Variants in CDC14A observed in about 807,000 individuals in gnomAD.
CDC14A encodes dual specificity protein phosphatase CDC14A.
CDC14A carries 53 observed loss-of-function variants against 74.4 expected under a neutral mutation model. The ratio of observed to expected loss-of-function variants is 0.71; its 90% CI spans 0.57 to 0.89. The LOEUF (loss-of-function observed/expected upper bound fraction) is 0.89. CDC14A is among the 40% of genes least tolerant of loss of function. The pLI, the probability that CDC14A is intolerant of heterozygous loss-of-function variation, is 0.00. For synonymous variants in CDC14A, 247 were observed against 258.4 expected (o/e 0.96, Z 0.43); for missense variants, 646 against 713.7 (o/e 0.91, Z 1.08).
intron 15 of CDC14A, among the ~76,000 whole-genome samples, chr1:100,501,075 A>G (rs1648667021): frequency 6.6e-6 from 1 of 152,064 alleles, no homozygotes; most frequent in South Asian, 2.1e-4. Flanking sequence ...CAGCCCATCT[A>G]CCCCTTAATC....
chr1:100,502,988 C>G (rs1204512710), intron 15 of CDC14A, among the ~76,000 whole-genome samples: 2 of 152,158 alleles, frequency 1.3e-5, no homozygotes, highest in Non-Finnish European at 2.9e-5. Context: ...CAACATTTTC[C>G]TCCCTCTCAC....
chr1:100,349,968 T>C (rs1291843437), upstream of CDC14A, among the ~76,000 whole-genome samples: 1 of 89,486 alleles, frequency 1.1e-5, no homozygotes, highest in Non-Finnish European at 2.2e-5. Context: ...TTTTTTTTTT[T>C]TTGAAACATA....
chr1:100,480,356 G>A (rs1323020421), intron 10 of CDC14A, among the ~76,000 whole-genome samples: 1 of 152,136 alleles, frequency 6.6e-6, no homozygotes, highest in Non-Finnish European at 1.5e-5. Context: ...ATATTCCATT[G>A]TATGTATATA....
chr1:100,386,889 G>A (rs1286506931), intron 3 of CDC14A, among the ~76,000 whole-genome samples: 3 of 152,146 alleles, frequency 2.0e-5, no homozygotes, highest in African/African-American at 7.2e-5. Flanking sequence ...TTCCATAGAA[G>A]GTACTTCAAT....
chr1:100,382,612 C>T (rs973498821), intron 3 of CDC14A, among the ~76,000 whole-genome samples: 3 of 151,710 alleles, frequency 2.0e-5, no homozygotes, highest in Non-Finnish European at 2.9e-5. Context: ...AAAAAAAAGT[C>T]TCTGAAAAAA....
chr1:100,354,745 T>C (rs1172795712), intron 2 of CDC14A, among the ~76,000 whole-genome samples: 2 of 152,264 alleles, frequency 1.3e-5, no homozygotes, highest in African/African-American at 4.8e-5. Context: ...TTAAATTACT[T>C]GTTATCTTTA....
intron 7 of CDC14A, among the ~76,000 whole-genome samples, chr1:100,449,880 C>T (rs774523517): frequency 4.6e-5 from 7 of 152,110 alleles, no homozygotes; most frequent in Non-Finnish European, 1.0e-4. Context: ...TGGAAAGTGC[C>T]TAAAACATGT....
intron 7 of CDC14A, among the ~76,000 whole-genome samples, chr1:100,453,567 G>C (rs1666359034): frequency 6.6e-6 from 1 of 152,166 alleles, no homozygotes; most frequent in Non-Finnish European, 1.5e-5. Context: ...TAGAAGCTAT[G>C]CTTGAGGTTT....
At chr1:100,356,670 A>G (rs901346031) in intron 2 of CDC14A, among the ~76,000 whole-genome samples, 4 of 152,046 alleles carry the variant, frequency 2.6e-5, no homozygotes, top group East Asian at 1.9e-4. Flanking sequence ...CCTGGCCAAC[A>G]TGTTGAAACC....
At chr1:100,401,979 G>A (rs1346622501) in intron 4 of CDC14A, among the ~76,000 whole-genome samples, 1 of 151,766 alleles carries the variant, frequency 6.6e-6, no homozygotes, top group Admixed American at 6.6e-5. Context: ...CGGAGGTTGT[G>A]GTGAGCCGAG....
chr1:100,383,037 T>A (rs1321165277), intron 3 of CDC14A, among the ~76,000 whole-genome samples: 2 of 152,338 alleles, frequency 1.3e-5, no homozygotes, highest in Admixed American at 6.5e-5. Context: ...GGTTCTTTTC[T>A]GTTTCTGGCT....
rs376122738 is a variant in CDC14A at position 100,416,605 on chromosome 1, C to T, written c.310-7617C>T. Among the ~76,000 whole-genome samples the T allele has an allele frequency of 1.2e-4, 18 of 152,092 alleles. No homozygotes were observed. In the South Asian group the frequency reaches 1.5e-3, roughly 12 times the overall value. On this transcript the variant is annotated intron_variant, in intron 4 of 15. Coordinates refer to ENST00000336454, the MANE Select transcript of CDC14A (RefSeq NM_003672.4). ...ATATTCTGATGTTTGTATACATAGACGGGCTTTAGGGTGAAGGTGTGAGAA... is the reference window on the plus strand; with the variant it reads ...ATATTCTGATGTTTGTATACATAGATGGGCTTTAGGGTGAAGGTGTGAGAA...
chr1:100,467,041 T>C (rs768526771), intron 9 of CDC14A, among the ~76,000 whole-genome samples: 1 of 151,962 alleles, frequency 6.6e-6, no homozygotes, highest in East Asian at 1.9e-4. Flanking sequence ...TGGGGACTGA[T>C]TAGGAATAAA....
At chr1:100,512,787 T>C (rs2101480348) in intron 15 of CDC14A, among the ~76,000 whole-genome samples, 1 of 152,264 alleles carries the variant, frequency 6.6e-6, no homozygotes, top group South Asian at 2.1e-4. Flanking sequence ...TATGGAAAAA[T>C]GCACACACAC....
At chr1:100,400,059 C>T (rs1237927836) in intron 4 of CDC14A, among the ~76,000 whole-genome samples, 1 of 152,180 alleles carries the variant, frequency 6.6e-6, no homozygotes, top group African/African-American at 2.4e-5. Flanking sequence ...ATTGGAACTG[C>T]TGATAATGGA....
chr1:100,367,984 A>G (rs371660179), intron 2 of CDC14A, among the ~76,000 whole-genome samples: 14 of 152,338 alleles, frequency 9.2e-5, no homozygotes, highest in African/African-American at 3.4e-4. Context: ...CTTATGTTCC[A>G]AGTCCCAACT....
At chr1:100,364,155 A>C (rs895499635) in intron 2 of CDC14A, among the ~76,000 whole-genome samples, 2 of 152,014 alleles carry the variant, frequency 1.3e-5, no homozygotes, top group African/African-American at 4.8e-5. Context: ...ATCACAATTT[A>C]CTTTTTTTCT....
chr1:100,353,764 C>G lies in CDC14A; in HGVS notation c.52C>G (p.Arg18Gly). The change falls in exon 2 of 16, where the codon CGG becomes GGG. Residue 18 changes from arginine (R) to glycine (G), a missense_variant and splice_region_variant. Coordinates refer to ENST00000336454, the MANE Select transcript of CDC14A (RefSeq NM_003672.4). ...TGTCTTTTAAACTTGTCTTTCAGAT[C>G]GGTTATATTTTGCTACTTTAAGGAA... Reference protein sequence around the residue: ...LIGACEFMKDRLYFATLRNRP... With the variant: ...LIGACEFMKDGLYFATLRNRP... 6.5e-7 allele frequency: 1 copy of G among 1,547,410 alleles called. No individual in the cohort carries two copies.
At chr1:100,359,387 T>TG (rs1156535812) in intron 2 of CDC14A, among the ~76,000 whole-genome samples, 2 of 152,174 alleles carry the variant, frequency 1.3e-5, no homozygotes, top group African/African-American at 4.8e-5. Flanking sequence ...CAGTCCACCC[T>TG]GGAGTCCAGG....
Sources: gnomAD v4.1 joint callset for allele counts (sites outside exome capture counted in the v4.1 genomes callset) on GRCh38, gnomAD v4.1.1 for gene constraint, MANE v1.5 for transcripts, NCBI Gene and HGNC (gene_info 2026-07-23, HGNC 2026-07-21) for gene names.